Variants in TEAD1 observed in about 807,000 individuals in gnomAD.
TEAD1 encodes TEA domain transcription factor 1.
Under a neutral mutation model 54.9 loss-of-function variants are expected in TEAD1, and 9 were observed. That is an observed-to-expected ratio of 0.16 (90% CI 0.10 to 0.29). The LOEUF (loss-of-function observed/expected upper bound fraction) is 0.29, where lower values mean the gene tolerates loss of function less well. Among genes scored for constraint, TEAD1 ranks in the 10% least tolerant of loss-of-function variants. TEAD1 has a pLI of 1.00. For missense variants in TEAD1, 387 were observed against 535.9 expected, an observed-to-expected ratio of 0.72 and a Z score of 2.74; for synonymous variants, 200 against 187.8, an observed-to-expected ratio of 1.07 and a Z score of -0.53.
chr11:12,865,739 T>C (rs1291017152), intron 5 of TEAD1, among the ~76,000 whole-genome samples: 1 of 152,208 alleles, frequency 6.6e-6, no homozygotes, highest in African/African-American at 2.4e-5. Flanking sequence ...TAATAAAACA[T>C]ACCTGACTTT....
chr11:12,750,712 C>G (rs1944853484), intron 2 of TEAD1, among the ~76,000 whole-genome samples: 1 of 152,170 alleles, frequency 6.6e-6, no homozygotes, highest in South Asian at 2.1e-4. Context: ...AGCCTCTGCT[C>G]TAGCCTTTCT....
At chr11:12,921,624 T>C (rs554023748) in intron 10 of TEAD1, among the ~76,000 whole-genome samples, 37 of 152,082 alleles carry the variant, frequency 2.4e-4, no homozygotes, top group Middle Eastern at 3.5e-3. Context: ...ATAAAGCACC[T>C]GAACTGCTTT....
intron 2 of TEAD1, among the ~76,000 whole-genome samples, chr11:12,735,976 C>T (rs1349560452): frequency 2.0e-5 from 3 of 152,092 alleles, no homozygotes; most frequent in Non-Finnish European, 4.4e-5. Flanking sequence ...TCAGTTGGTC[C>T]GACAGAACTA....
intron 10 of TEAD1, among the ~76,000 whole-genome samples, chr11:12,911,022 C>T (rs564138509): frequency 2.6e-5 from 4 of 152,342 alleles, no homozygotes; most frequent in Middle Eastern, 3.4e-3. Flanking sequence ...GCTGGGATTA[C>T]AGGCGTGAGC....
chr11:12,811,434 C>G (rs1260138510), intron 3 of TEAD1, among the ~76,000 whole-genome samples: 1 of 152,184 alleles, frequency 6.6e-6, no homozygotes, highest in Non-Finnish European at 1.5e-5. Flanking sequence ...CCCTCCATTG[C>G]TTAAAAGCCA....
intron 3 of TEAD1, among the ~76,000 whole-genome samples, chr11:12,805,884 T>C (rs1466703927): frequency 6.6e-6 from 1 of 152,200 alleles, no homozygotes; most frequent in African/African-American, 2.4e-5. Flanking sequence ...TTTTATGATG[T>C]TTCTTTTATT....
rs563014878 is a variant in TEAD1, at chr11:12,796,500, C to T, written c.202+32066C>T. Among the ~76,000 whole-genome samples the T allele has an allele frequency of 4.2e-3, 631 of 151,674 alleles. 3 individuals are homozygous for T. Among genetic ancestry groups the T allele is most frequent in the Non-Finnish European group, 7.1e-3 (484 of 67,864 alleles). ...CAGCACTTTGGGAGGCTGAGGCGGGCGGATCACTTGAGTTTAGGAGTTTGA... is the reference window on the plus strand; with the variant it reads ...CAGCACTTTGGGAGGCTGAGGCGGGTGGATCACTTGAGTTTAGGAGTTTGA... On this transcript the variant is annotated intron_variant, in intron 3 of 12. Coordinates refer to ENST00000527636, the MANE Select transcript of TEAD1 (RefSeq NM_021961.6).
intron 4 of TEAD1, among the ~76,000 whole-genome samples, chr11:12,864,154 G>A (rs1037768334): frequency 4.0e-5 from 6 of 151,184 alleles, no homozygotes; most frequent in African/African-American, 1.2e-4. Context: ...TTATTTTAAC[G>A]TTTGCTACAG....
chr11:12,847,438 C>A lies in TEAD1; in HGVS notation c.203-14812C>A, dbSNP rs1590208439. On this transcript the variant is annotated intron_variant, in intron 3 of 12. Coordinates refer to ENST00000527636, the MANE Select transcript of TEAD1 (RefSeq NM_021961.6). ...GCTGGGGAGTGAGTGGAGGAAGTGCCAGCTGCAGAGGCCTGGCAGCTCAGG... is the reference window on the plus strand; with the variant it reads ...GCTGGGGAGTGAGTGGAGGAAGTGCAAGCTGCAGAGGCCTGGCAGCTCAGG... Among the ~76,000 whole-genome samples, 3 of 139,452 alleles carry A rather than the reference C, an allele frequency of 2.2e-5. No homozygotes were observed. In the Admixed American group the frequency reaches 2.4e-4, roughly 11 times the overall value. The allele number at this position is 139,452 out of a possible 152,430, so 91.5% of individuals were successfully genotyped here.
At chr11:12,869,650 C>T (rs1236198798) in intron 5 of TEAD1, among the ~76,000 whole-genome samples, 1 of 152,130 alleles carries the variant, frequency 6.6e-6, no homozygotes, top group East Asian at 1.9e-4. Flanking sequence ...TTTATACTAT[C>T]TGGAATTGAT....
intron 9 of TEAD1, among the ~76,000 whole-genome samples, chr11:12,885,056 G>C (rs1948058792): frequency 6.6e-6 from 1 of 152,060 alleles, no homozygotes; most frequent in Non-Finnish European, 1.5e-5. Flanking sequence ...GATAGGTTCT[G>C]TTTTCCCCAT....
chr11:12,888,071 C>T (rs370028456), intron 9 of TEAD1, among the ~76,000 whole-genome samples: 14 of 152,306 alleles, frequency 9.2e-5, no homozygotes, highest in African/African-American at 3.1e-4. Flanking sequence ...TGCTATTTGT[C>T]ATTAGTGACT....
intron 2 of TEAD1, among the ~76,000 whole-genome samples, chr11:12,754,742 G>T (rs1300164996): frequency 6.6e-6 from 1 of 152,118 alleles, no homozygotes. Flanking sequence ...CTTGGCCTTC[G>T]CAGTTTAGCT....
intron 3 of TEAD1, among the ~76,000 whole-genome samples, chr11:12,824,435 T>C (rs771725617): frequency 6.6e-5 from 10 of 152,232 alleles, no homozygotes; most frequent in Non-Finnish European, 1.3e-4. Flanking sequence ...AACACCCAGC[T>C]ATGCCTCTTG....
At chr11:12,702,751 A>G (rs1943730248) in intron 2 of TEAD1, among the ~76,000 whole-genome samples, 1 of 152,182 alleles carries the variant, frequency 6.6e-6, no homozygotes, top group Non-Finnish European at 1.5e-5. Context: ...CCTCTCAGGT[A>G]ATCTTCCAAT....
At chr11:12,777,798 G>A (rs1193822062) in intron 3 of TEAD1, among the ~76,000 whole-genome samples, 3 of 152,204 alleles carry the variant, frequency 2.0e-5, no homozygotes, top group Non-Finnish European at 4.4e-5. Context: ...TGTAAACCAT[G>A]TGTATTAGGA....
At chr11:12,727,741 A>G (rs1944342707) in intron 2 of TEAD1, among the ~76,000 whole-genome samples, 2 of 152,120 alleles carry the variant, frequency 1.3e-5, no homozygotes, top group Admixed American at 1.3e-4. Context: ...TCTGTGTGAG[A>G]TGCCGTAGAT....
chr11:12,711,026 C>G (rs563877083), intron 2 of TEAD1, among the ~76,000 whole-genome samples: 4 of 152,276 alleles, frequency 2.6e-5, no homozygotes, highest in African/African-American at 9.6e-5. Flanking sequence ...TAGGACTGTA[C>G]TGTGAATACC....
At chr11:12,876,300 C>G (rs2134089247) in intron 5 of TEAD1, among the ~76,000 whole-genome samples, 1 of 152,230 alleles carries the variant, frequency 6.6e-6, no homozygotes, top group South Asian at 2.1e-4. Context: ...TTGAAGATTT[C>G]AAATGATTTT....
Sources: gnomAD v4.1 joint callset for allele counts (sites outside exome capture counted in the v4.1 genomes callset) on GRCh38, gnomAD v4.1.1 for gene constraint, MANE v1.5 for transcripts, NCBI Gene and HGNC (gene_info 2026-07-23, HGNC 2026-07-21) for gene names.